ROR1: variants seen among roughly 807,000 people sequenced by gnomAD.
ROR1 encodes ROR family WNT receptor 1, also known as inactive tyrosine-protein kinase transmembrane receptor ROR1.
ROR1 carries 19 observed loss-of-function variants against 78.8 expected under a neutral mutation model. The ratio of observed to expected loss-of-function variants is 0.24; its 90% CI spans 0.17 to 0.35. The LOEUF is 0.35. Among genes scored for constraint, ROR1 ranks in the 10% least tolerant of loss-of-function variants. The probability of loss-of-function intolerance (pLI) is 1.00; values close to 1 mark genes in which losing one functional copy is unlikely to be tolerated. For missense variants in ROR1, 917 were observed against 1,177.8 expected, an observed-to-expected ratio of 0.78 and a Z score of 3.24; for synonymous variants, 386 against 433.6, an observed-to-expected ratio of 0.89 and a Z score of 1.36.
At chr1:64,159,257 C>T (rs115674924) in intron 8 of ROR1, 65 bp downstream of exon 8, 3 of 1,219,244 alleles carry the variant, frequency 2.5e-6, no homozygotes, top group African/African-American at 3.0e-5. Context: ...CATGTTATAA[C>T]CCTCCCAAGC....
chr1:63,984,499 G>A (rs186993747), intron 1 of ROR1, among the ~76,000 whole-genome samples: 1 of 152,290 alleles, frequency 6.6e-6, no homozygotes, highest in East Asian at 1.9e-4. Context: ...GCAGGGAAAT[G>A]TCCCTGGCTA....
chr1:64,078,312 C>T (rs148253577), intron 4 of ROR1, among the ~76,000 whole-genome samples: 173 of 152,122 alleles, frequency 1.1e-3, no homozygotes, highest in African/African-American at 3.6e-3. Flanking sequence ...GAGATCATTG[C>T]GGGCACAGGA....
At chr1:64,078,230 A>G (rs1242009268) in intron 4 of ROR1, among the ~76,000 whole-genome samples, 3 of 152,206 alleles carry the variant, frequency 2.0e-5, no homozygotes, top group Non-Finnish European at 4.4e-5. Context: ...TCTCTGGGAA[A>G]GGCCATGCAA....
intron 1 of ROR1, among the ~76,000 whole-genome samples, chr1:63,810,131 C>G (rs981677921): frequency 4.6e-5 from 7 of 152,066 alleles, no homozygotes; most frequent in Admixed American, 3.9e-4. Context: ...AAACGAGAAA[C>G]CCATTTTGAG....
chr1:64,001,157 T>G (rs761439468), intron 1 of ROR1, among the ~76,000 whole-genome samples: 6 of 152,148 alleles, frequency 3.9e-5, no homozygotes, highest in Non-Finnish European at 8.8e-5. Flanking sequence ...TACACAGCAA[T>G]AAAAACAAAC....
intron 1 of ROR1, among the ~76,000 whole-genome samples, chr1:63,999,703 G>A (rs984559706): frequency 3.3e-5 from 5 of 152,166 alleles, no homozygotes; most frequent in Non-Finnish European, 7.4e-5. Context: ...TGGATGGATG[G>A]ATGGATAAAT....
chr1:63,925,399 A>C (rs1353296968), intron 1 of ROR1, among the ~76,000 whole-genome samples: 11 of 151,484 alleles, frequency 7.3e-5, no homozygotes, highest in African/African-American at 2.7e-4. Flanking sequence ...ACATTTTCTT[A>C]ATCCAGTCTA....
rs750926532 is a variant in ROR1 at position 64,137,513 on chromosome 1, A to C, written c.610+17A>C. The C allele has an allele frequency of 1.1e-5, 17 of 1,605,042 alleles. No individual in the cohort carries two copies. Among genetic ancestry groups the C allele is most frequent in the Non-Finnish European group, 1.4e-5 (16 of 1,175,826 alleles). On this transcript the variant is annotated intron_variant, in intron 5 of 8. Transcript: ENST00000371079. ...AGATCACAGGTAGGTAGCACCAATGAAATTATATTTGTCCCTTGAATAACT... is the reference window on the plus strand; with the variant it reads ...AGATCACAGGTAGGTAGCACCAATGCAATTATATTTGTCCCTTGAATAACT...
intron 1 of ROR1, among the ~76,000 whole-genome samples, chr1:63,873,243 CT>C (rs1645263262): frequency 6.6e-6 from 1 of 152,132 alleles, no homozygotes; most frequent in African/African-American, 2.4e-5. Flanking sequence ...TGATTCAGGG[CT>C]GAGTGCCTGT....
At chr1:64,145,190 G>A (rs908641344) in intron 7 of ROR1, among the ~76,000 whole-genome samples, 2 of 152,122 alleles carry the variant, frequency 1.3e-5, no homozygotes, top group Non-Finnish European at 2.9e-5. Flanking sequence ...CATGGAGTAG[G>A]GAGGTTATAA....
intron 1 of ROR1, among the ~76,000 whole-genome samples, chr1:63,796,699 T>C (rs940622351): frequency 1.3e-5 from 2 of 152,294 alleles, no homozygotes; most frequent in Admixed American, 1.3e-4. Context: ...GTGCTAGATA[T>C]ACATATTTCT....
At chr1:63,905,901 T>C (rs188655402) in intron 1 of ROR1, among the ~76,000 whole-genome samples, 365 of 152,374 alleles carry the variant, frequency 2.4e-3, no homozygotes, top group African/African-American at 5.8e-3. Context: ...CTTAACTCGA[T>C]AATAATTAAC....
At chr1:64,137,713 C>G (rs993079787) in intron 5 of ROR1, among the ~76,000 whole-genome samples, 1 of 152,200 alleles carries the variant, frequency 6.6e-6, no homozygotes, top group Admixed American at 6.5e-5. Flanking sequence ...TTTGTGAAAT[C>G]TCACATTCAT....
At chr1:64,163,266 C>CACACACACACAA (rs1557680459) in intron 8 of ROR1, among the ~76,000 whole-genome samples, 1 of 127,772 alleles carries the variant, frequency 7.8e-6, no homozygotes, top group African/African-American at 2.8e-5. Context: ...CACACACACA[C>CACACACACACAA]AATTCGCCAG....
chr1:63,952,801 A>G (rs2100472861), intron 1 of ROR1, among the ~76,000 whole-genome samples: 1 of 152,222 alleles, frequency 6.6e-6, no homozygotes, highest in East Asian at 1.9e-4. Flanking sequence ...GGGGTGATGG[A>G]AGGGGTAGAG....
intron 1 of ROR1, among the ~76,000 whole-genome samples, chr1:64,006,807 A>G (rs903767336): frequency 1.3e-5 from 2 of 152,154 alleles, no homozygotes; most frequent in Non-Finnish European, 2.9e-5. Context: ...GAGGTAAGCC[A>G]AGGAGGTCTG....
intron 1 of ROR1, among the ~76,000 whole-genome samples, chr1:63,900,601 T>C (rs915937879): frequency 4.6e-5 from 7 of 152,156 alleles, no homozygotes; most frequent in Admixed American, 4.6e-4. Context: ...TTGAGGTCTG[T>C]GTAATTAATA....
intron 1 of ROR1, among the ~76,000 whole-genome samples, chr1:63,794,837 A>T (rs1644749956): frequency 6.6e-6 from 1 of 152,218 alleles, no homozygotes; most frequent in South Asian, 2.1e-4. Flanking sequence ...GTGCTGGGAT[A>T]CACAGGGTCC....
At chr1:63,871,246 CATA>C (rs1232667705) in intron 1 of ROR1, among the ~76,000 whole-genome samples, 1 of 152,098 alleles carries the variant, frequency 6.6e-6, no homozygotes, top group Non-Finnish European at 1.5e-5. Context: ...TTCTGGTCAC[CATA>C]ATAAGTACAT....
Sources: allele counts gnomAD v4.1 joint callset (sites outside exome capture counted in the v4.1 genomes callset), GRCh38; gene constraint gnomAD v4.1.1; transcripts MANE v1.5; gene names NCBI Gene and HGNC (gene_info 2026-07-23, HGNC 2026-07-21).